The following GRIK2 variants were observed in gnomAD, a reference collection of about 807,000 sequenced individuals.
GRIK2 encodes glutamate receptor ionotropic, kainate 2.
A neutral mutation model predicts 100.3 loss-of-function variants in GRIK2; 32 were observed. The ratio of observed to expected loss-of-function variants is 0.32; its 90% CI spans 0.24 to 0.43. GRIK2 has a LOEUF of 0.43. GRIK2 is among the 20% of genes least tolerant of loss of function. The pLI is 1.00. For synonymous variants in GRIK2, 417 were observed against 389.4 expected (o/e 1.07, Z -0.83); for missense variants, 843 against 1,114.9 (o/e 0.76, Z 3.47).
At chr6:101,437,719 G>C (rs1769812531) in intron 2 of GRIK2, among the ~76,000 whole-genome samples, 1 of 152,056 alleles carries the variant, frequency 6.6e-6, no homozygotes, top group Admixed American at 6.6e-5. Flanking sequence ...TTGCCAGCTT[G>C]TCAGCTATCA....
chr6:101,491,655 G>C (rs1773120501), intron 2 of GRIK2, among the ~76,000 whole-genome samples: 2 of 151,890 alleles, frequency 1.3e-5, no homozygotes, highest in African/African-American at 4.8e-5. Context: ...TTGAATGTAA[G>C]TTGTTGACAT....
At chr6:101,928,696 T>C in intron 14 of GRIK2, 64 bp downstream of exon 14, 1 of 809,530 alleles carries the variant, frequency 1.2e-6, no homozygotes, top group Non-Finnish European at 2.2e-6. Flanking sequence ...TTCTCTCGAT[T>C]CACAAATGTA....
intron 13 of GRIK2, among the ~76,000 whole-genome samples, chr6:101,925,769 A>T (rs955554695): frequency 1.4e-4 from 21 of 152,004 alleles, no homozygotes; most frequent in African/African-American, 5.1e-4. Context: ...TGCATTACAG[A>T]TCTGAAGAAG....
chr6:101,764,324 G>A (rs1355179160), intron 7 of GRIK2, among the ~76,000 whole-genome samples: 6 of 151,988 alleles, frequency 3.9e-5, no homozygotes, highest in East Asian at 3.9e-4. Flanking sequence ...ATCATCTTCC[G>A]TGACATCTTC....
intron 9 of GRIK2, among the ~76,000 whole-genome samples, chr6:101,803,200 T>A (rs1222955159): frequency 6.6e-6 from 1 of 151,896 alleles, no homozygotes; most frequent in Non-Finnish European, 1.5e-5. Flanking sequence ...GCTTTGAAGA[T>A]AGTAAGCTAT....
chr6:101,654,243 AC>A (rs1415365626), intron 4 of GRIK2, among the ~76,000 whole-genome samples: 1 of 151,762 alleles, frequency 6.6e-6, no homozygotes, highest in Non-Finnish European at 1.5e-5. Context: ...TCTAGTAGTG[AC>A]CCCCTGGTAC....
chr6:101,937,209 G>A (rs2128474484), intron 14 of GRIK2, among the ~76,000 whole-genome samples: 1 of 152,202 alleles, frequency 6.6e-6, no homozygotes, highest in South Asian at 2.1e-4. Context: ...ATGTGCATGA[G>A]GCCCTGCCAC....
chr6:101,630,224 T>C (rs1375251825), intron 4 of GRIK2, among the ~76,000 whole-genome samples: 1 of 152,146 alleles, frequency 6.6e-6, no homozygotes, highest in Non-Finnish European at 1.5e-5. Context: ...CCTTTGTGTA[T>C]ATACCCAGTA....
intron 11 of GRIK2, among the ~76,000 whole-genome samples, chr6:101,870,800 A>G (rs1191513682): frequency 2.6e-5 from 4 of 151,872 alleles, no homozygotes; most frequent in Non-Finnish European, 5.9e-5. Flanking sequence ...ATAATAGATA[A>G]AGGCATTCTG....
At chr6:101,975,589 G>C (rs1044851743) in intron 14 of GRIK2, among the ~76,000 whole-genome samples, 24 of 151,932 alleles carry the variant, frequency 1.6e-4, no homozygotes, top group Non-Finnish European at 2.4e-4. Flanking sequence ...CCCAATTTGA[G>C]GTAAGTGAGG....
At chr6:101,863,962 C>A (rs1444933378) in intron 11 of GRIK2, among the ~76,000 whole-genome samples, 2 of 151,296 alleles carry the variant, frequency 1.3e-5, no homozygotes, top group African/African-American at 2.4e-5. Context: ...AAGGTGAAAC[C>A]CCGTCTCTAC....
intron 2 of GRIK2, among the ~76,000 whole-genome samples, chr6:101,461,492 T>C (rs1289672650): frequency 1.3e-5 from 2 of 152,156 alleles, no homozygotes; most frequent in Non-Finnish European, 2.9e-5. Context: ...TCAAAACCAA[T>C]AGTGGCCAGT....
intron 11 of GRIK2, among the ~76,000 whole-genome samples, chr6:101,874,162 G>A (rs1785637974): frequency 6.6e-6 from 1 of 152,096 alleles, no homozygotes; most frequent in African/African-American, 2.4e-5. Context: ...TAGACATGAA[G>A]TCCTTGCCTA....
At chr6:101,699,073 C>T (rs1217442270) in intron 7 of GRIK2, among the ~76,000 whole-genome samples, 1 of 152,184 alleles carries the variant, frequency 6.6e-6, no homozygotes, top group Non-Finnish European at 1.5e-5. Context: ...GTAAGATGCT[C>T]AGCACATATG....
chr6:102,039,219 A>C (rs568176153), intron 15 of GRIK2, among the ~76,000 whole-genome samples: 1 of 151,326 alleles, frequency 6.6e-6, no homozygotes, highest in East Asian at 2.0e-4. Context: ...TAATTAAGGA[A>C]CCTCTGTTTA....
rs556216935 is a variant in GRIK2, at chr6:101,612,018, A to G, written c.116-9931A>G. Among the ~76,000 whole-genome samples, 19 of 152,000 alleles carry G rather than the reference A, an allele frequency of 1.3e-4. 1 individual carries two copies. Among genetic ancestry groups the G allele is most frequent in the Admixed American group, 1.1e-3 (16 of 15,188 alleles). ...GAAAGTTATTGAGAAAATAGCCAGA[A>G]GTTGAGGATAAAGAGTGGCAATATT... On this transcript the variant is annotated intron_variant, in intron 2 of 16. Coordinates refer to ENST00000369134, the MANE Select transcript of GRIK2 (RefSeq NM_021956.5).
Position 101,760,594 on chromosome 6 carries a change from A to T in GRIK2, c.952-39054A>T, listed in dbSNP as rs1435043925. On this transcript the variant is annotated intron_variant, in intron 7 of 16. Coordinates refer to ENST00000369134, the MANE Select transcript of GRIK2 (RefSeq NM_021956.5). ...TTTAATTAATTATATATAATTATATATAATTATATATAATTATATTTAATT... is the reference window on the plus strand; with the variant it reads ...TTTAATTAATTATATATAATTATATTTAATTATATATAATTATATTTAATT... 3.9e-3 allele frequency among the ~76,000 whole-genome samples: 349 copies of T among 89,902 alleles called. 29 individuals are homozygous for T. Among genetic ancestry groups the T allele is most frequent in the African/African-American group, 0.016 (320 of 19,394 alleles). The allele number at this position is 89,902 out of a possible 152,430, so 59.0% of individuals were successfully genotyped here.
intron 2 of GRIK2, among the ~76,000 whole-genome samples, chr6:101,455,382 G>A (rs1348445230): frequency 6.6e-6 from 1 of 152,080 alleles, no homozygotes. Flanking sequence ...AGTGGGAAGA[G>A]GGAAAAATTC....
At chr6:101,787,597 T>C (rs372529013) in intron 7 of GRIK2, among the ~76,000 whole-genome samples, 19 of 152,168 alleles carry the variant, frequency 1.2e-4, no homozygotes, top group African/African-American at 4.6e-4. Context: ...TGTCCATATA[T>C]TTGTAGAGTT....
Sources: gnomAD v4.1 joint callset for allele counts (sites outside exome capture counted in the v4.1 genomes callset) on GRCh38, gnomAD v4.1.1 for gene constraint, MANE v1.5 for transcripts, NCBI Gene and HGNC (gene_info 2026-07-23, HGNC 2026-07-21) for gene names.